PGBD2: variants seen among roughly 807,000 people sequenced by gnomAD.
PGBD2 encodes the protein piggyBac transposable element derived 2.
PGBD2 carries 6 observed loss-of-function variants against 8.1 expected under a neutral mutation model. The ratio of observed to expected loss-of-function variants is 0.74; its 90% CI spans 0.40 to 1.46. PGBD2 has a LOEUF of 1.46. PGBD2 is among the 40% of genes most tolerant of loss of function. The pLI, the probability that PGBD2 is intolerant of heterozygous loss-of-function variation, is 0.02. For synonymous variants in PGBD2, 318 were observed against 272.2 expected, an observed-to-expected ratio of 1.17 and a Z score of -1.66; for missense variants, 802 against 739.0, an observed-to-expected ratio of 1.09 and a Z score of -0.99.
chr1:248,874,573 C>T, the PGBD2 span, among the ~76,000 whole-genome samples: 2 of 152,088 alleles, frequency 1.3e-5, no homozygotes, highest in African/African-American at 2.4e-5. Context: ...CTGGGTATGC[C>T]AAAAATGGCT....
At chr1:248,909,268 G>T (rs967050179) in intron 1 of PGBD2, among the ~76,000 whole-genome samples, 5 of 152,198 alleles carry the variant, frequency 3.3e-5, no homozygotes, top group African/African-American at 4.8e-5. Flanking sequence ...CTGAAAGGTA[G>T]AATGGGTTTT....
downstream of PGBD2, among the ~76,000 whole-genome samples, chr1:248,922,178 G>C (rs1003164736): frequency 7.9e-5 from 12 of 151,478 alleles, no homozygotes; most frequent in African/African-American, 2.9e-4. Flanking sequence ...TCCTGCCTCA[G>C]TCTCCCGAGT....
chr1:248,905,923 G>A (rs942470439), upstream of PGBD2, among the ~76,000 whole-genome samples: 64 of 152,182 alleles, frequency 4.2e-4, no homozygotes, highest in African/African-American at 1.4e-3. Flanking sequence ...CGATTTCCCA[G>A]GTGAAGCTGC....
chr1:248,919,778 C>T (rs1446737183), downstream of PGBD2: 2 of 166,874 alleles, frequency 1.2e-5, no homozygotes, highest in Admixed American at 6.5e-5. Flanking sequence ...GGATTACAGC[C>T]ATTTCTGCCC....
At chr1:248,885,430 C>T in the PGBD2 span, among the ~76,000 whole-genome samples, 1 of 152,014 alleles carries the variant, frequency 6.6e-6, no homozygotes, top group Non-Finnish European at 1.5e-5. Context: ...TGTGTGACCC[C>T]ATGCTCAGCT....
chr1:248,880,951 C>A, the PGBD2 span, among the ~76,000 whole-genome samples: 2 of 151,992 alleles, frequency 1.3e-5, no homozygotes, highest in Admixed American at 1.3e-4. Flanking sequence ...ATGATGTTAT[C>A]TCTGTATAAT....
At chr1:248,913,330 T>C (rs923490552) in intron 1 of PGBD2, among the ~76,000 whole-genome samples, 2 of 152,234 alleles carry the variant, frequency 1.3e-5, no homozygotes, top group African/African-American at 4.8e-5. Context: ...TATAGTTATA[T>C]AAGTGGTGTT....
chr1:248,924,176 C>T (rs919398906), downstream of PGBD2, among the ~76,000 whole-genome samples: 2 of 152,214 alleles, frequency 1.3e-5, no homozygotes, highest in African/African-American at 4.8e-5. Flanking sequence ...AGCGTCCATC[C>T]AGAAATCCAT....
rs777785398 is a variant in PGBD2, at chr1:248,917,162, C to G, written c.578C>G (p.Ser193Cys). Residue 193 changes from serine (S) to cysteine (C), a missense_variant, in exon 3 of 3, where the codon TCT becomes TGT. By Grantham distance (112) the Ser-to-Cys change is moderately radical. Transcript: ENST00000329291. ...ATTTTGATTTTAAGTGGGTACATCTCTTATCCAAGGAGAAGGATGTTCTGG... is the reference window on the plus strand; with the variant it reads ...ATTTTGATTTTAAGTGGGTACATCTGTTATCCAAGGAGAAGGATGTTCTGG... ...LGILILSGYI[S>C]YPRRRMFWET... The G allele has an allele frequency of 3.1e-6, 5 of 1,613,984 alleles. No individual in the cohort carries two copies. The highest frequency in any genetic ancestry group is 1.1e-5 in the South Asian group (1 of 91,086).
the PGBD2 span, among the ~76,000 whole-genome samples, chr1:248,875,053 T>G: frequency 2.4e-4 from 36 of 151,836 alleles, no homozygotes; most frequent in Admixed American, 9.8e-4. Flanking sequence ...ATCCCAGCAC[T>G]TTGGGAGGCT....
At chr1:248,896,508 G>A in the PGBD2 span, among the ~76,000 whole-genome samples, 9 of 152,036 alleles carry the variant, frequency 5.9e-5, no homozygotes, top group Non-Finnish European at 8.8e-5. Context: ...GCAGTGGCAC[G>A]ATCACAGCTC....
chr1:248,874,285 C>G, the PGBD2 span, among the ~76,000 whole-genome samples: 11 of 152,302 alleles, frequency 7.2e-5, no homozygotes, highest in East Asian at 3.9e-4. Context: ...GGCGCTCTCA[C>G]CGCCGCGGCC....
chr1:248,886,789 C>T, the PGBD2 span, among the ~76,000 whole-genome samples: 5 of 152,108 alleles, frequency 3.3e-5, no homozygotes, highest in African/African-American at 4.8e-5. Flanking sequence ...TATTAACTGG[C>T]GTTTCTTGGG....
At chr1:248,915,116 G>T (rs1427075282) in intron 2 of PGBD2, among the ~76,000 whole-genome samples, 1 of 152,164 alleles carries the variant, frequency 6.6e-6, no homozygotes, top group Non-Finnish European at 1.5e-5. Context: ...ATCCGGGATG[G>T]CATTCATTGC....
intron 1 of PGBD2, among the ~76,000 whole-genome samples, chr1:248,907,627 T>G (rs1463777680): frequency 6.6e-6 from 1 of 152,190 alleles, no homozygotes; most frequent in Non-Finnish European, 1.5e-5. Flanking sequence ...CCTTGTTTAT[T>G]GAGACTAGAG....
At chr1:248,879,257 T>C in the PGBD2 span, among the ~76,000 whole-genome samples, 3 of 152,220 alleles carry the variant, frequency 2.0e-5, no homozygotes, top group Admixed American at 2.0e-4. Context: ...TTCTGAGTTG[T>C]AGAGGTGGCG....
the PGBD2 span, among the ~76,000 whole-genome samples, chr1:248,874,860 C>G: frequency 7.2e-6 from 1 of 138,672 alleles, no homozygotes; most frequent in Admixed American, 6.9e-5. Flanking sequence ...TTGTCACATT[C>G]TCTCTCTCTC....
Position 248,911,898 on chromosome 1 carries a change from G to GT in PGBD2, c.-47-1917dup, listed in dbSNP as rs144300346. 5.3e-3 allele frequency among the ~76,000 whole-genome samples: 800 copies of GT among 152,056 alleles called. 9 individuals carry two copies. The highest frequency in any genetic ancestry group is 0.018 in the African/African-American group (762 of 41,420). On this transcript the variant is annotated intron_variant, in intron 1 of 2. Transcript: ENST00000329291. ...GAGACAGAGAAGGATATGACACCAG[G>GT]TGGGAGAGTTATTGGAGATGCGCAG...
chr1:248,917,085 G>A lies in PGBD2; in HGVS notation c.501G>A (p.Gln167=). 1 of 1,613,700 alleles carries A rather than the reference G, an allele frequency of 6.2e-7. No homozygotes were observed. ...ATGAAACCAATCGTTATGCTTGGCAGAAAAATGTCAATTTGAGTCTTACGG... is the reference window on the plus strand; with the variant it reads ...ATGAAACCAATCGTTATGCTTGGCAAAAAAATGTCAATTTGAGTCTTACGG... ...IVNETNRYAW[Q]KNVNLSLTAQ... is the part of the protein sequence containing the mutation. Residue 167 remains glutamine, a synonymous_variant, in exon 3 of 3, where the codon CAG becomes CAA. Coordinates refer to ENST00000329291, the MANE Select transcript of PGBD2 (RefSeq NM_170725.3).
Sources: allele counts gnomAD v4.1 joint callset (sites outside exome capture counted in the v4.1 genomes callset), GRCh38; gene constraint gnomAD v4.1.1; transcripts MANE v1.5; gene names NCBI Gene and HGNC (gene_info 2026-07-23, HGNC 2026-07-21).